The following RNF115 variants were observed in gnomAD, a reference collection of about 807,000 sequenced individuals.
RNF115 encodes ring finger protein 115.
A neutral mutation model predicts 39.2 loss-of-function variants in RNF115; 31 were observed. The observed-to-expected ratio is 0.79, with a 90% CI of 0.59 to 1.07. The LOEUF is 1.07. Ranked by LOEUF, RNF115 falls within the 50% of genes least tolerant of loss-of-function variation. The pLI, the probability that RNF115 is intolerant of heterozygous loss-of-function variation, is 0.00. For synonymous variants in RNF115, 124 were observed against 131.0 expected (o/e 0.95, Z 0.37); for missense variants, 384 against 381.7 (o/e 1.01, Z -0.05).
chr1:145,798,326 C>A (rs1649077115), intron 1 of RNF115, among the ~76,000 whole-genome samples: 1 of 151,962 alleles, frequency 6.6e-6, no homozygotes, highest in African/African-American at 2.4e-5. Context: ...GTCTTTAATC[C>A]ACTTTGAGTT....
At chr1:145,799,956 T>C (rs981198657) in intron 1 of RNF115, among the ~76,000 whole-genome samples, 1 of 152,200 alleles carries the variant, frequency 6.6e-6, no homozygotes. Context: ...TAGTTGAGTG[T>C]TTTTATCATG....
chr1:145,784,431 A>G, intron 3 of RNF115, 108 bp downstream of exon 3: 3 of 982,180 alleles, frequency 3.1e-6, no homozygotes, highest in Non-Finnish European at 4.8e-6. Context: ...TTTTTCTTAT[A>G]CATTCAGTTA....
At chr1:145,806,556 G>T (rs1649472364) in intron 1 of RNF115, among the ~76,000 whole-genome samples, 1 of 152,024 alleles carries the variant, frequency 6.6e-6, no homozygotes, top group Non-Finnish European at 1.5e-5. Flanking sequence ...TTGGAGGTAG[G>T]GCCTAGTGGG....
In RNF115 at chr1:145,743,370, G is replaced by C. The variant is rs1300258148; in HGVS notation, c.*3496C>G. The C allele has an allele frequency of 6.6e-6, 1 of 152,162 alleles. No homozygotes were observed. Among genetic ancestry groups the C allele is most frequent in the Non-Finnish European group, 1.5e-5 (1 of 68,084 alleles). The allele number at this position is 152,162 out of a possible 1,614,324, so 9.4% of individuals were successfully genotyped here. On this transcript the variant is annotated 3_prime_UTR_variant, in exon 9 of 9. Coordinates refer to ENST00000582693, the MANE Select transcript of RNF115 (RefSeq NM_014455.4). ...GAACAGAAACATCAGCTCTTCTAGG[G>C]TATCCAAGCTGGCCTTCAGACTGGA... is the stretch of plus-strand genomic sequence containing the variant.
At chr1:145,770,818 A>C (rs1250130174) in intron 4 of RNF115, among the ~76,000 whole-genome samples, 1 of 152,240 alleles carries the variant, frequency 6.6e-6, no homozygotes, top group African/African-American at 2.4e-5. Context: ...AATGAGATCC[A>C]TGAGCAAAAC....
chr1:145,768,568 G>C (rs781804170), intron 4 of RNF115, among the ~76,000 whole-genome samples: 10 of 152,050 alleles, frequency 6.6e-5, no homozygotes, highest in Admixed American at 3.3e-4. Context: ...CACCTGCCTC[G>C]GCCTCCCAAA....
At position 145,744,769 on chromosome 1, in the gene RNF115, T is replaced by C. The variant is rs1657809363; in HGVS notation, c.*2097A>G. The C allele has an allele frequency of 1.3e-5, 2 of 152,234 alleles. No homozygotes were observed. Among genetic ancestry groups the C allele is most frequent in the South Asian group, 4.1e-4 (2 of 4,826 alleles). 9.4% of individuals were successfully genotyped at this position (152,234 alleles called of 1,614,324 possible). ...TGACAATACAAATGGTGCCCCTCTG[T>C]ACCTTTTTTTGGTACACCAACAGTT... On this transcript the variant is annotated 3_prime_UTR_variant, in exon 9 of 9. Transcript: ENST00000582693.
At chr1:145,762,681 G>GA (rs782700281) in intron 4 of RNF115, among the ~76,000 whole-genome samples, 3 of 145,264 alleles carry the variant, frequency 2.1e-5, no homozygotes, top group Admixed American at 6.9e-5. Context: ...TTTTTAATAA[G>GA]AAAAAAAAAA....
chr1:145,753,009 C>T lies in RNF115; in HGVS notation c.469G>A (p.Ala157Thr). ...AAAGGGTGTGGAGATCCAGGAATGGCAGAATTTGCAAAGAATCCTGCAAAG... is the reference window on the plus strand; with the variant it reads ...AAAGGGTGTGGAGATCCAGGAATGGTAGAATTTGCAAAGAATCCTGCAAAG... ...HIFAGFFANS[A>T]IPGSPHPFSW... The change falls in exon 5 of 9, where the codon GCC becomes ACC. Residue 157 changes from alanine (A) to threonine (T), a missense_variant. By Grantham distance (58) the Ala-to-Thr change is moderately conservative. Coordinates refer to ENST00000582693, the MANE Select transcript of RNF115 (RefSeq NM_014455.4). The T allele has an allele frequency of 6.2e-7, 1 of 1,611,614 alleles. No individual in the cohort carries two copies. Among genetic ancestry groups the T allele is most frequent in the Non-Finnish European group, 8.5e-7 (1 of 1,178,008 alleles).
intron 1 of RNF115, among the ~76,000 whole-genome samples, chr1:145,790,145 ATTTG>A (rs1553718758): frequency 1.3e-5 from 2 of 151,940 alleles, no homozygotes; most frequent in East Asian, 3.9e-4. Context: ...TAGGTTATTT[ATTTG>A]TTTATTTAGA....
At chr1:145,777,367 A>C (rs184305030) in intron 3 of RNF115, among the ~76,000 whole-genome samples, 1 of 152,224 alleles carries the variant, frequency 6.6e-6, no homozygotes, top group Non-Finnish European at 1.5e-5. Flanking sequence ...TAAAGGATCC[A>C]TGCTTAAAAA....
At chr1:145,750,836 A>G (rs1362395871) in intron 6 of RNF115, among the ~76,000 whole-genome samples, 1 of 152,222 alleles carries the variant, frequency 6.6e-6, no homozygotes, top group African/African-American at 2.4e-5. Context: ...CTGGTCCAAA[A>G]GCTTCATCTT....
At chr1:145,823,628 C>A in intron 1 of RNF115, 144 bp downstream of exon 1, 1 of 589,478 alleles carries the variant, frequency 1.7e-6, no homozygotes, top group Admixed American at 4.0e-5. Flanking sequence ...GGTTTAGGGC[C>A]GGCGGCTTAG....
intron 1 of RNF115, among the ~76,000 whole-genome samples, chr1:145,801,742 T>C (rs1192580615): frequency 3.3e-5 from 5 of 151,980 alleles, no homozygotes; most frequent in Admixed American, 1.3e-4. Flanking sequence ...CAGTAACTCA[T>C]TTCTCTCTTT....
chr1:145,757,798 T>C (rs1478270948), intron 4 of RNF115, among the ~76,000 whole-genome samples: 1 of 137,032 alleles, frequency 7.3e-6, no homozygotes, highest in Admixed American at 7.5e-5. Context: ...TATCACTGTA[T>C]GTTGGGTGTG....
intron 2 of RNF115, among the ~76,000 whole-genome samples, chr1:145,786,251 A>G (rs1453987453): frequency 6.6e-6 from 1 of 152,224 alleles, no homozygotes; most frequent in African/African-American, 2.4e-5. Flanking sequence ...ATGGAAGTTT[A>G]AGAGCAGATG....
intron 2 of RNF115, among the ~76,000 whole-genome samples, chr1:145,787,534 T>C (rs1648440411): frequency 7.2e-6 from 1 of 138,586 alleles, no homozygotes; most frequent in Non-Finnish European, 1.5e-5. Flanking sequence ...ATCGTGCCCT[T>C]GCACTCCAGC....
intron 3 of RNF115, among the ~76,000 whole-genome samples, chr1:145,783,393 T>C (rs1648235383): frequency 2.0e-5 from 3 of 152,034 alleles, no homozygotes; most frequent in Admixed American, 2.0e-4. Context: ...AACATCAAAA[T>C]GTGGGGGCTA....
chr1:145,767,866 G>A (rs1647433187), intron 4 of RNF115, among the ~76,000 whole-genome samples: 1 of 152,226 alleles, frequency 6.6e-6, no homozygotes, highest in Non-Finnish European at 1.5e-5. Flanking sequence ...GCAGGCACTC[G>A]GCAGGCTGAG....
Sources: allele counts gnomAD v4.1 joint callset (sites outside exome capture counted in the v4.1 genomes callset), GRCh38; gene constraint gnomAD v4.1.1; transcripts MANE v1.5; gene names NCBI Gene and HGNC (gene_info 2026-07-23, HGNC 2026-07-21).